PALMD: variants seen among roughly 807,000 people sequenced by gnomAD.
PALMD encodes paralemmin-like protein.
PALMD carries 42 observed loss-of-function variants against 56.2 expected under a neutral mutation model. That is an observed-to-expected ratio of 0.75 (90% CI 0.58 to 0.97). PALMD has a LOEUF of 0.97. Ranked by LOEUF, PALMD falls within the 50% of genes least tolerant of loss-of-function variation. The probability of loss-of-function intolerance (pLI) is 0.00; values close to 1 mark genes in which losing one functional copy is unlikely to be tolerated. For synonymous variants in PALMD, 242 were observed against 222.9 expected (o/e 1.09, Z -0.76); for missense variants, 660 against 643.8 (o/e 1.03, Z -0.27).
At chr1:99,680,830 G>A (rs541580237) in intron 3 of PALMD, among the ~76,000 whole-genome samples, 2 of 151,696 alleles carry the variant, frequency 1.3e-5, no homozygotes, top group African/African-American at 2.4e-5. Flanking sequence ...ACATGTATGT[G>A]TATATGTGTG....
chr1:99,667,675 G>T lies in PALMD; in HGVS notation c.160G>T (p.Gly54Ter), dbSNP rs1357502832. The T allele has an allele frequency of 6.2e-7, 1 of 1,612,788 alleles. No individual in the cohort carries two copies. The highest frequency in any genetic ancestry group is 2.2e-5 in the East Asian group (1 of 44,842). Reference protein sequence around the residue: ...KALREKWLLDGISSGKEQEEM... With the variant: ...KALREKWLLD The stretch of plus-strand genomic sequence containing the variant: ...CTTGAGGGAGAAATGGCTTCTAGAT[G>T]GAATCAGCAGCGGAAAAGAACAGGA... The change falls in exon 3 of 8, where the codon GGA becomes TGA. Residue 54 changes from glycine to a stop codon, truncating the protein, a stop_gained. Transcript: ENST00000263174. LOFTEE classifies it high-confidence loss of function.
chr1:99,667,458 C>T, intron 2 of PALMD, 184 bp from the exon 3 acceptor site: 4 of 599,934 alleles, frequency 6.7e-6, no homozygotes, highest in Non-Finnish European at 1.2e-5. Context: ...TAAAACCTGG[C>T]TTTGAATACA....
chr1:99,684,019 T>C (rs1041749381), intron 3 of PALMD: 4 of 152,368 alleles, frequency 2.6e-5, no homozygotes, highest in African/African-American at 9.6e-5. Flanking sequence ...TTTCTCTATA[T>C]TCTTTATCTT....
chr1:99,685,699 A>T (rs1386376597), intron 3 of PALMD: 1 of 152,220 alleles, frequency 6.6e-6, no homozygotes, highest in East Asian at 1.9e-4. Flanking sequence ...CTTAGCTGAC[A>T]CGAATATCCA....
intron 1 of PALMD, among the ~76,000 whole-genome samples, chr1:99,655,350 T>C (rs1038096514): frequency 6.6e-6 from 1 of 152,096 alleles, no homozygotes; most frequent in African/African-American, 2.4e-5. Context: ...CGTCTTAACC[T>C]TCATCATCTG....
intron 2 of PALMD, among the ~76,000 whole-genome samples, chr1:99,663,046 A>C (rs1652882843): frequency 6.6e-6 from 1 of 152,198 alleles, no homozygotes; most frequent in Admixed American, 6.5e-5. Context: ...AACAAACAGC[A>C]GCTCCTTGTG....
chr1:99,683,128 AAG>A (rs1439969326), intron 3 of PALMD: 1 of 123,494 alleles, frequency 8.1e-6, no homozygotes, highest in Non-Finnish European at 1.6e-5. Flanking sequence ...GAAAGAAAGA[AAG>A]AAAGAAAGAA....
chr1:99,670,266 T>C (rs771189623), intron 3 of PALMD, among the ~76,000 whole-genome samples: 1 of 152,170 alleles, frequency 6.6e-6, no homozygotes, highest in Non-Finnish European at 1.5e-5. Flanking sequence ...CCATCAATAC[T>C]CCTTTGTGAA....
At chr1:99,676,723 G>T (rs1653221708) in intron 3 of PALMD, among the ~76,000 whole-genome samples, 1 of 151,726 alleles carries the variant, frequency 6.6e-6, no homozygotes, top group Admixed American at 6.6e-5. Flanking sequence ...ACATATAATA[G>T]GTCCTTAATA....
chr1:99,648,492 GC>G (rs1652492175), intron 1 of PALMD, among the ~76,000 whole-genome samples: 1 of 152,104 alleles, frequency 6.6e-6, no homozygotes, highest in Admixed American at 6.6e-5. Flanking sequence ...AAATGCTTAA[GC>G]CTCAGAATCT....
intron 3 of PALMD, among the ~76,000 whole-genome samples, chr1:99,681,865 C>G (rs6577120): frequency 0.039 from 5,893 of 152,266 alleles, 291 homozygotes; most frequent in African/African-American, 0.12. Context: ...AACCACTGTA[C>G]TAGATACACA....
At chr1:99,661,166 T>C (rs1252181026) in intron 1 of PALMD, among the ~76,000 whole-genome samples, 1 of 152,232 alleles carries the variant, frequency 6.6e-6, no homozygotes, top group Non-Finnish European at 1.5e-5. Context: ...ATGTCTTCAT[T>C]GGCAACAAAA....
chr1:99,692,409 C>T (rs904682760), intron 7 of PALMD, among the ~76,000 whole-genome samples: 1 of 152,074 alleles, frequency 6.6e-6, no homozygotes, highest in Non-Finnish European at 1.5e-5. Flanking sequence ...GAAGAAGAGG[C>T]AGGGATCAGA....
Position 99,689,616 on chromosome 1 carries a change from G to T in PALMD, c.1356G>T (p.Glu452Asp). The change falls in exon 7 of 8, where the codon GAG (glutamate) becomes GAT (aspartate). Residue 452 changes from glutamate to aspartate, a missense_variant. Transcript: ENST00000263174. ...AELVVIDDEE[E>D]EDEGEAEKPS... ...TGGTTGTGATTGATGATGAGGAGGA[G>T]GAGGATGAAGGAGAAGCAGAGAAAC... The T allele has an allele frequency of 6.2e-7, 1 of 1,613,814 alleles. No individual in the cohort carries two copies. Among genetic ancestry groups the T allele is most frequent in the Non-Finnish European group, 8.5e-7 (1 of 1,179,852 alleles).
intron 3 of PALMD, chr1:99,668,314 A>G (rs1471995294): frequency 3.3e-5 from 5 of 152,508 alleles, no homozygotes; most frequent in East Asian, 1.9e-4. Context: ...GTATAGCAAC[A>G]CTAGATTTAT....
chr1:99,670,730 G>A (rs1653065735), intron 3 of PALMD, among the ~76,000 whole-genome samples: 1 of 151,980 alleles, frequency 6.6e-6, no homozygotes. Flanking sequence ...AAATATAACA[G>A]CAACAGAATG....
intron 6 of PALMD, among the ~76,000 whole-genome samples, chr1:99,687,485 C>A (rs971232799): frequency 3.9e-5 from 6 of 152,132 alleles, no homozygotes; most frequent in African/African-American, 7.2e-5. Context: ...TTTCTCCTGA[C>A]ATATTCCATC....
At chr1:99,648,888 C>CG (rs142325953) in intron 1 of PALMD, among the ~76,000 whole-genome samples, 2 of 126,930 alleles carry the variant, frequency 1.6e-5, no homozygotes, top group African/African-American at 3.0e-5. Flanking sequence ...TTCTTTTTCT[C>CG]AAAAAAAAAA....
intron 3 of PALMD, among the ~76,000 whole-genome samples, chr1:99,675,056 A>G (rs1430477086): frequency 1.3e-5 from 2 of 152,132 alleles, no homozygotes; most frequent in Non-Finnish European, 1.5e-5. Context: ...AGACCACCCA[A>G]GGTTATCTGA....
Sources: gnomAD v4.1 joint callset for allele counts (sites outside exome capture counted in the v4.1 genomes callset) on GRCh38, gnomAD v4.1.1 for gene constraint, MANE v1.5 for transcripts, NCBI Gene and HGNC (gene_info 2026-07-23, HGNC 2026-07-21) for gene names.